The following PCDH9 variants were observed in gnomAD, a reference collection of about 807,000 sequenced individuals.
PCDH9 encodes the protein protocadherin-9.
Under a neutral mutation model 70.6 loss-of-function variants are expected in PCDH9, and 24 were observed. The observed-to-expected ratio is 0.34, with a 90% CI of 0.25 to 0.48. PCDH9 has a LOEUF of 0.48. Among genes scored for constraint, PCDH9 ranks in the 20% least tolerant of loss-of-function variants. The pLI is 0.99. For synonymous variants in PCDH9, 562 were observed against 558.5 expected (o/e 1.01, Z -0.09); for missense variants, 1,281 against 1,503.6 (o/e 0.85, Z 2.45).
chr13:66,382,928 A>G (rs1956872684), intron 4 of PCDH9, among the ~76,000 whole-genome samples: 1 of 152,158 alleles, frequency 6.6e-6, no homozygotes, highest in South Asian at 2.1e-4. Flanking sequence ...GCTATTCGGG[A>G]GGCTGAGGCA....
chr13:67,118,955 C>T (rs2086829044), intron 2 of PCDH9, among the ~76,000 whole-genome samples: 1 of 152,088 alleles, frequency 6.6e-6, no homozygotes, highest in African/African-American at 2.4e-5. Flanking sequence ...ATCATATGAG[C>T]ATTAATTTAG....
intron 3 of PCDH9, among the ~76,000 whole-genome samples, chr13:66,716,016 G>A (rs2078862303): frequency 6.6e-6 from 1 of 152,108 alleles, no homozygotes; most frequent in African/African-American, 2.4e-5. Context: ...CTCCAATTGT[G>A]GTTGGAAAAA....
At chr13:66,977,707 G>A (rs902931185) in intron 2 of PCDH9, among the ~76,000 whole-genome samples, 3 of 152,056 alleles carry the variant, frequency 2.0e-5, no homozygotes, top group African/African-American at 7.2e-5. Context: ...AATGGTAACT[G>A]AGCAGAAGGT....
chr13:66,487,819 C>T (rs1424403854), intron 4 of PCDH9, among the ~76,000 whole-genome samples: 1 of 152,070 alleles, frequency 6.6e-6, no homozygotes, highest in African/African-American at 2.4e-5. Context: ...TAATTCAAGC[C>T]AGATGCAATG....
At chr13:66,670,129 G>A (rs533802143) in intron 3 of PCDH9, among the ~76,000 whole-genome samples, 28 of 152,004 alleles carry the variant, frequency 1.8e-4, no homozygotes, top group South Asian at 6.2e-4. Context: ...GAAATTATGC[G>A]TTCAGTTTTT....
intron 3 of PCDH9, among the ~76,000 whole-genome samples, chr13:66,682,281 T>C (rs1477619706): frequency 6.6e-6 from 1 of 152,022 alleles, no homozygotes; most frequent in Non-Finnish European, 1.5e-5. Context: ...CATAAAATTT[T>C]TGTGTCACTT....
chr13:66,339,099 T>C (rs1417590931), intron 4 of PCDH9, among the ~76,000 whole-genome samples: 1 of 152,054 alleles, frequency 6.6e-6, no homozygotes, highest in African/African-American at 2.4e-5. Context: ...TGTCTGAAAC[T>C]ATATTAGACC....
chr13:66,565,959 T>C (rs1404324940), intron 4 of PCDH9, among the ~76,000 whole-genome samples: 3 of 152,150 alleles, frequency 2.0e-5, no homozygotes, highest in Non-Finnish European at 4.4e-5. Context: ...CTACTTTGCC[T>C]GAGACAAGAA....
At position 67,152,150 on chromosome 13, in the gene PCDH9, C is replaced by T. The variant is rs115764091; in HGVS notation, c.3036+73255G>A. ...ATTTTACATGAAATAAAAGCATAAT[C>T]TGCCTTTTGGAAGTGAGAACATTCC... On this transcript the variant is annotated intron_variant, in intron 2 of 4. Transcript: ENST00000377865. 3.8e-3 allele frequency among the ~76,000 whole-genome samples: 582 copies of T among 152,254 alleles called. 2 individuals are homozygous for T. Among genetic ancestry groups the T allele is most frequent in the African/African-American group, 0.014 (566 of 41,546 alleles).
At chr13:67,161,090 T>C (rs1180920291) in intron 2 of PCDH9, among the ~76,000 whole-genome samples, 1 of 152,192 alleles carries the variant, frequency 6.6e-6, no homozygotes, top group East Asian at 1.9e-4. Flanking sequence ...GTACAATTAA[T>C]AGAATAAAAT....
intron 4 of PCDH9, among the ~76,000 whole-genome samples, chr13:66,463,788 G>A (rs1018092975): frequency 6.6e-6 from 1 of 151,812 alleles, no homozygotes; most frequent in East Asian, 1.9e-4. Flanking sequence ...TACAGCAGGA[G>A]AGATGAGGAA....
chr13:66,758,023 A>G (rs1370331454), intron 3 of PCDH9, among the ~76,000 whole-genome samples: 1 of 152,108 alleles, frequency 6.6e-6, no homozygotes, highest in Non-Finnish European at 1.5e-5. Context: ...ATCATATGTT[A>G]TTGGCATAAG....
intron 2 of PCDH9, among the ~76,000 whole-genome samples, chr13:67,013,201 G>A (rs2084487036): frequency 6.6e-6 from 1 of 150,914 alleles, no homozygotes; most frequent in South Asian, 2.1e-4. Flanking sequence ...GAAATAACCA[G>A]TGCTAAAATC....
intron 3 of PCDH9, among the ~76,000 whole-genome samples, chr13:66,693,475 T>G (rs1417740542): frequency 2.0e-5 from 3 of 152,094 alleles, no homozygotes; most frequent in Non-Finnish European, 4.4e-5. Context: ...CAATAAAAAC[T>G]TGGTGATAAA....
At chr13:67,151,485 ACTT>A (rs988004204) in intron 2 of PCDH9, among the ~76,000 whole-genome samples, 2 of 151,956 alleles carry the variant, frequency 1.3e-5, no homozygotes, top group African/African-American at 4.8e-5. Flanking sequence ...CAGAGCTCCT[ACTT>A]CTTTTATTGT....
chr13:66,954,869 T>C (rs1248625821), intron 2 of PCDH9, among the ~76,000 whole-genome samples: 3 of 152,210 alleles, frequency 2.0e-5, no homozygotes, highest in Non-Finnish European at 4.4e-5. Context: ...GTTCACGCCA[T>C]TCTCCTGCCT....
At chr13:66,379,836 T>C (rs951095727) in intron 4 of PCDH9, among the ~76,000 whole-genome samples, 2 of 152,134 alleles carry the variant, frequency 1.3e-5, no homozygotes, top group Non-Finnish European at 2.9e-5. Context: ...TCCAGAATTA[T>C]TTCTTAAAAA....
At chr13:67,224,106 C>T (rs1364098722) in intron 2 of PCDH9, 1 of 152,130 alleles carries the variant, frequency 6.6e-6, no homozygotes, top group African/African-American at 2.4e-5. Flanking sequence ...ACTGTTGATA[C>T]TGTTCTGCAA....
chr13:66,729,338 C>T (rs2079042967), intron 3 of PCDH9, among the ~76,000 whole-genome samples: 2 of 152,098 alleles, frequency 1.3e-5, no homozygotes, highest in African/African-American at 2.4e-5. Context: ...TATTTTACTA[C>T]AGTTAGTACA....
Sources: gnomAD v4.1 joint callset for allele counts (sites outside exome capture counted in the v4.1 genomes callset) on GRCh38, gnomAD v4.1.1 for gene constraint, MANE v1.5 for transcripts, NCBI Gene and HGNC (gene_info 2026-07-23, HGNC 2026-07-21) for gene names.